GPHN: variants seen among roughly 807,000 people sequenced by gnomAD.
The protein encoded by GPHN is gephyrin.
Under a neutral mutation model 95.5 loss-of-function variants are expected in GPHN, and 17 were observed. The observed-to-expected ratio is 0.18, with a 90% CI of 0.12 to 0.27. The LOEUF (loss-of-function observed/expected upper bound fraction) is 0.27. Among genes scored for constraint, GPHN ranks in the 10% least tolerant of loss-of-function variants. The pLI is 1.00. For synonymous variants in GPHN, 320 were observed against 322.5 expected (o/e 0.99, Z 0.08); for missense variants, 660 against 978.1 (o/e 0.67, Z 4.34).
the GPHN span, chr14:67,199,253 G>T: frequency 1.9e-5 from 30 of 1,598,226 alleles, no homozygotes; most frequent in Non-Finnish European, 2.6e-5. Context: ...CTTGAGTGAG[G>T]ATGATGCTGA....
intron 11 of GPHN, among the ~76,000 whole-genome samples, chr14:67,062,101 T>C (rs2075848678): frequency 6.6e-6 from 1 of 152,056 alleles, no homozygotes; most frequent in South Asian, 2.1e-4. Flanking sequence ...AAAAGCAGAG[T>C]TCTGTAAGTG....
At chr14:67,549,672 T>G in the GPHN span, among the ~76,000 whole-genome samples, 1 of 152,214 alleles carries the variant, frequency 6.6e-6, no homozygotes, top group East Asian at 1.9e-4. Flanking sequence ...GTAGTGCTCG[T>G]GAACCATTTG....
the GPHN span, among the ~76,000 whole-genome samples, chr14:67,503,937 C>T: frequency 3.9e-5 from 6 of 151,964 alleles, no homozygotes; most frequent in African/African-American, 1.2e-4. Flanking sequence ...CTCCTGACCT[C>T]GTGATCTGCC....
chr14:67,658,458 G>C, the GPHN span, among the ~76,000 whole-genome samples: 4 of 152,108 alleles, frequency 2.6e-5, no homozygotes, highest in Non-Finnish European at 4.4e-5. Flanking sequence ...TTAGCCGGGC[G>C]TGGTGGTGGG....
chr14:67,496,194 A>G, the GPHN span, among the ~76,000 whole-genome samples: 1 of 152,030 alleles, frequency 6.6e-6, no homozygotes, highest in East Asian at 1.9e-4. Flanking sequence ...ATGTCTTATT[A>G]TTATTTTTAA....
the GPHN span, chr14:67,586,624 T>C: frequency 3.1e-3 from 1,351 of 435,492 alleles, 17 homozygotes; most frequent in African/African-American, 0.024. Context: ...GCAAAAATAA[T>C]AATTACAAAG....
chr14:67,204,996 G>A, the GPHN span: 21 of 1,563,978 alleles, frequency 1.3e-5, no homozygotes, highest in East Asian at 2.4e-5. Flanking sequence ...GAGAAGCCAC[G>A]GAAGTCACAG....
chr14:67,435,710 T>C, the GPHN span, among the ~76,000 whole-genome samples: 1 of 152,252 alleles, frequency 6.6e-6, no homozygotes, highest in Non-Finnish European at 1.5e-5. Flanking sequence ...ACTCCTTCCC[T>C]TTCTCTGTCT....
At chr14:67,044,834 T>G (rs1337074091) in intron 10 of GPHN, among the ~76,000 whole-genome samples, 1 of 151,578 alleles carries the variant, frequency 6.6e-6, no homozygotes, top group Non-Finnish European at 1.5e-5. Flanking sequence ...GTCTCTCTGT[T>G]GGTGTGTCTC....
chr14:66,633,972 T>G (rs1302057167), intron 1 of GPHN, among the ~76,000 whole-genome samples: 2 of 151,580 alleles, frequency 1.3e-5, no homozygotes, highest in Non-Finnish European at 2.9e-5. Flanking sequence ...TTTAATAATA[T>G]CTATCTCTGT....
chr14:66,997,013 G>GT (rs2071851775), intron 9 of GPHN, among the ~76,000 whole-genome samples: 1 of 151,888 alleles, frequency 6.6e-6, no homozygotes, highest in African/African-American at 2.4e-5. Context: ...TTCAAAGCAG[G>GT]GGCACTGTTT....
chr14:66,824,342 T>A (rs1596030560), intron 3 of GPHN, 132 bp from the exon 4 acceptor site: 1 of 616,224 alleles, frequency 1.6e-6, no homozygotes, highest in East Asian at 2.9e-5. Flanking sequence ...TGAATTGTGC[T>A]TAGAAATTTT....
chr14:66,836,056 T>C (rs1362067396), intron 4 of GPHN, among the ~76,000 whole-genome samples: 2 of 136,586 alleles, frequency 1.5e-5, no homozygotes, highest in East Asian at 4.3e-4. Context: ...CCCATCAAGC[T>C]ACCAATGCCT....
the GPHN span, among the ~76,000 whole-genome samples, chr14:67,636,173 C>T: frequency 9.3e-4 from 142 of 152,188 alleles, 1 homozygote; most frequent in African/African-American, 3.3e-3. Flanking sequence ...TGTCAGCCCA[C>T]TTTGAAACCC....
At chr14:66,984,167 A>G (rs1464349913) in intron 9 of GPHN, among the ~76,000 whole-genome samples, 1 of 152,208 alleles carries the variant, frequency 6.6e-6, no homozygotes, top group Non-Finnish European at 1.5e-5. Context: ...TTATATTTTT[A>G]TAGGAATCTA....
the GPHN span, among the ~76,000 whole-genome samples, chr14:67,423,310 T>C: frequency 6.6e-6 from 1 of 152,190 alleles, no homozygotes; most frequent in African/African-American, 2.4e-5. Flanking sequence ...AGAGTACTCA[T>C]GACATAATTT....
chr14:67,144,564 A>G (rs1013883525), intron 18 of GPHN, among the ~76,000 whole-genome samples: 3 of 152,110 alleles, frequency 2.0e-5, no homozygotes, highest in African/African-American at 7.2e-5. Context: ...CTCTCACATT[A>G]ATGACTAAAC....
the GPHN span, among the ~76,000 whole-genome samples, chr14:67,561,051 T>C: frequency 6.6e-6 from 1 of 152,142 alleles, no homozygotes; most frequent in Non-Finnish European, 1.5e-5. Context: ...CATCTTTTCC[T>C]CTGTCCTCAC....
At chr14:66,873,986 A>T (rs2063550120) in intron 4 of GPHN, among the ~76,000 whole-genome samples, 1 of 152,190 alleles carries the variant, frequency 6.6e-6, no homozygotes, top group Non-Finnish European at 1.5e-5. Context: ...GGGTTGACAG[A>T]CATGTCATAC....
Sources: gnomAD v4.1 joint callset for allele counts (sites outside exome capture counted in the v4.1 genomes callset) on GRCh38, gnomAD v4.1.1 for gene constraint, MANE v1.5 for transcripts, NCBI Gene and HGNC (gene_info 2026-07-23, HGNC 2026-07-21) for gene names.